Variants in KCNH6 observed in about 807,000 individuals in gnomAD.
KCNH6 encodes the protein voltage-gated inwardly rectifying potassium channel KCNH6.
Under a neutral mutation model 83.4 loss-of-function variants are expected in KCNH6, and 81 were observed. The observed-to-expected ratio is 0.97, with a 90% CI of 0.81 to 1.17. KCNH6 has a LOEUF of 1.17. Ranked by LOEUF, KCNH6 falls within the 50% of genes most tolerant of loss-of-function variation. The probability of loss-of-function intolerance (pLI) is 0.00; values close to 1 mark genes in which losing one functional copy is unlikely to be tolerated. For missense variants in KCNH6, 1,203 were observed against 1,290.5 expected (o/e 0.93, Z 1.04); for synonymous variants, 503 against 545.6 (o/e 0.92, Z 1.09).
At position 63,534,744 on chromosome 17, in the gene KCNH6, A is replaced by G. The variant is rs980931795; in HGVS notation, c.1101+433A>G. On this transcript the variant is annotated intron_variant, in intron 5 of 12. Coordinates refer to ENST00000314672, the MANE Select transcript of KCNH6 (RefSeq NM_001278919.2). This position sits in a 1 kb window ranked among gnomAD's most constrained non-coding sequence, Gnocchi z 5.0. The stretch of plus-strand genomic sequence containing the variant: ...GCCCATAGGTGACGTGAAGGCATCT[A>G]CATGCCTTTCTCATAGCTTCCAGTC... Among the ~76,000 whole-genome samples, 3 of 152,016 alleles carry G rather than the reference A, an allele frequency of 2.0e-5. No homozygotes were observed. Among genetic ancestry groups the G allele is most frequent in the African/African-American group, 7.3e-5 (3 of 41,372 alleles).
At position 63,542,330 on chromosome 17, in the gene KCNH6, C is replaced by T; in HGVS notation, c.2044C>T (p.Leu682=). 6.2e-7 allele frequency: 1 copy of T among 1,614,178 alleles called. No individual in the cohort carries two copies. ...CGTGCGGGCTCTGACCTACTGCGACCTGCACAAGATCCAGCGGGCAGATCT... is the reference window on the plus strand; with the variant it reads ...CGTGCGGGCTCTGACCTACTGCGACTTGCACAAGATCCAGCGGGCAGATCT... ...ADVRALTYCD[L]HKIQRADLLE... The change falls in exon 9 of 13, where the codon CTG becomes TTG. Residue 682 remains leucine (L), a synonymous_variant. Coordinates refer to ENST00000314672, the MANE Select transcript of KCNH6 (RefSeq NM_001278919.2).
At position 63,523,428 on chromosome 17, in the gene KCNH6, G is replaced by A. The variant is rs1676490925; in HGVS notation, c.15G>A (p.Arg5=). The change falls in exon 1 of 13, where the codon AGG becomes AGA. Residue 5 remains arginine (R), a synonymous_variant. Transcript: ENST00000314672. The surrounding 1 kb of genome is among the most constrained non-coding windows in gnomAD (Gnocchi z 4.2). ...GCGGCCGAAAGATGCCGGTCCGCAGGGGCCACGTCGCTCCCCAAAACACTT... is the reference window on the plus strand; with the variant it reads ...GCGGCCGAAAGATGCCGGTCCGCAGAGGCCACGTCGCTCCCCAAAACACTT... MPVR[R]GHVAPQNTYL... is the part of the protein sequence containing the mutation. 4 of 1,598,212 alleles carry A rather than the reference G, an allele frequency of 2.5e-6. No homozygotes were observed. Among genetic ancestry groups the A allele is most frequent in the Non-Finnish European group, 3.4e-6 (4 of 1,172,880 alleles).
intron 4 of KCNH6, among the ~76,000 whole-genome samples, chr17:63,531,079 A>G (rs1270758240): frequency 6.6e-6 from 1 of 152,202 alleles, no homozygotes; most frequent in Non-Finnish European, 1.5e-5. Context: ...GCTATCTTTA[A>G]TCAGCTTCCT....
chr17:63,547,220 A>T (rs1189843009), downstream of KCNH6, among the ~76,000 whole-genome samples: 1 of 151,926 alleles, frequency 6.6e-6, no homozygotes, highest in Admixed American at 6.6e-5. Flanking sequence ...ATTATACCTC[A>T]GTTAAAAAGA....
At chr17:63,529,766 C>T (rs1372987624) in intron 2 of KCNH6, among the ~76,000 whole-genome samples, 1 of 152,116 alleles carries the variant, frequency 6.6e-6, no homozygotes, top group Non-Finnish European at 1.5e-5. Flanking sequence ...CTTAATCCAC[C>T]CCCATCTGCT....
At position 63,546,063 on chromosome 17, in the gene KCNH6, C is replaced by T. The variant is rs1324964667; in HGVS notation, c.*161C>T. The T allele has an allele frequency of 1.6e-5, 10 of 610,240 alleles. No homozygotes were observed. The highest frequency in any genetic ancestry group is 2.8e-5 in the Non-Finnish European group (10 of 356,486). 37.8% of individuals were successfully genotyped at this position (610,240 alleles called of 1,614,324 possible). A position where few individuals can be genotyped will look rare whatever the true frequency, so the allele number is the denominator to read the frequency against. ...TCCTGGCTAACACGGTGAAACCCCA[C>T]CTCTACTAAAATTAAAAAAGAAAAA... On this transcript the variant is annotated 3_prime_UTR_variant, in exon 13 of 13. Transcript: ENST00000314672.
At chr17:63,542,973 CAA>C (rs2032947818) in intron 9 of KCNH6, among the ~76,000 whole-genome samples, 1 of 152,184 alleles carries the variant, frequency 6.6e-6, no homozygotes, top group South Asian at 2.1e-4. Context: ...GTAAAACAGC[CAA>C]AGTCACGAAG....
Position 63,545,250 on chromosome 17 carries a change from C to A in KCNH6, c.2569C>A (p.Leu857Met). 2 of 1,613,472 alleles carry A rather than the reference C, an allele frequency of 1.2e-6. No individual in the cohort carries two copies. Among genetic ancestry groups the A allele is most frequent in the Non-Finnish European group, 1.7e-6 (2 of 1,180,020 alleles). Residue 857 changes from leucine (L) to methionine (M), a missense_variant, in exon 12 of 13, where the codon CTG (leucine) becomes ATG (methionine). By Grantham distance (15) the Leu-to-Met change is conservative. Coordinates refer to ENST00000314672, the MANE Select transcript of KCNH6 (RefSeq NM_001278919.2). ...AGGGCCCAGGCTGCCCCAGGGCTTT[C>A]TGCCTCCTGCACAGGTAAGAGGTGA... is the stretch of plus-strand genomic sequence containing the variant. ...SPGPRLPQGF[L>M]PPAQTPSYGD...
At position 63,544,965 on chromosome 17, in the gene KCNH6, C is replaced by T. The variant is rs1406842479; in HGVS notation, c.2397-113C>T. On this transcript the variant is annotated intron_variant, in intron 11 of 12. Transcript: ENST00000314672. ...AGTAAGGAAATAGCTTCAGGTAGGC[C>T]CCAGGCCGCCATTCCATCTAGCAGG... The T allele has an allele frequency of 4.6e-5, 48 of 1,052,186 alleles. No homozygotes were observed. In the South Asian group the frequency reaches 6.3e-4, roughly 14 times the overall value. 65.2% of individuals were successfully genotyped at this position (1,052,186 alleles called of 1,614,324 possible).
chr17:63,523,781 C>G lies in KCNH6; in HGVS notation c.76+292C>G, dbSNP rs541748900. On this transcript the variant is annotated intron_variant, in intron 1 of 12. Coordinates refer to ENST00000314672, the MANE Select transcript of KCNH6 (RefSeq NM_001278919.2). The surrounding 1 kb of genome is among the most constrained non-coding windows in gnomAD (Gnocchi z 4.2). ...ACCTCCCCTTCCAGCCACTGCCTGC[C>G]CCCTCATCCGCGTCCTCCAGAGGCT... Among the ~76,000 whole-genome samples the G allele has an allele frequency of 6.6e-6, 1 of 152,174 alleles. No individual in the cohort carries two copies. The highest frequency in any genetic ancestry group is 6.5e-5 in the Admixed American group (1 of 15,286).
Position 63,543,593 on chromosome 17 carries a change from C to G in KCNH6, c.2166C>G (p.His722Gln), listed in dbSNP as rs2147731926. 1 of 1,611,822 alleles carries G rather than the reference C, an allele frequency of 6.2e-7. No homozygotes were observed. The highest frequency in any genetic ancestry group is 2.2e-5 in the East Asian group (1 of 44,890). ...FNLRDAAGGLHSSPRQAPGSQ... is the reference protein window; with the variant it reads ...FNLRDAAGGLQSSPRQAPGSQ... ...CCCATAAGGCAGCCGGGGGTCTCCA[C>G]TCATCCCCCCGACAGGCTCCTGGCA... The change falls in exon 10 of 13, where the codon CAC (histidine) becomes CAG (glutamine). Residue 722 changes from histidine to glutamine, a missense_variant. By Grantham distance (24) the His-to-Gln change is conservative. Transcript: ENST00000314672.
At position 63,530,552 on chromosome 17, in the gene KCNH6, T is replaced by G. The variant is rs2032037401; in HGVS notation, c.675+10T>G. On this transcript the variant is annotated intron_variant, in intron 4 of 12. Transcript: ENST00000314672. ...TGAGAAGGTCACCCAGGTGCGGGCC[T>G]GCAGAGCAGGGTGTGCAGAGCTGTG... 1 of 1,613,340 alleles carries G rather than the reference T, an allele frequency of 6.2e-7. No homozygotes were observed. Among genetic ancestry groups the G allele is most frequent in the African/African-American group, 1.3e-5 (1 of 74,922 alleles).
intron 10 of KCNH6, 105 bp downstream of exon 10, chr17:63,543,765 T>TG: frequency 1.3e-6 from 1 of 744,288 alleles, no homozygotes; most frequent in Non-Finnish European, 2.4e-6. Flanking sequence ...CCCCACTCCA[T>TG]GAGTGGAGAG....
chr17:63,536,826 C>T (rs2032528124), intron 6 of KCNH6, among the ~76,000 whole-genome samples: 1 of 146,818 alleles, frequency 6.8e-6, no homozygotes, highest in Non-Finnish European at 1.5e-5. Flanking sequence ...TGGTGGTACA[C>T]ACCTGTAATC....
chr17:63,542,355 T>A lies in KCNH6; in HGVS notation c.2069T>A (p.Leu690Gln), dbSNP rs1388742429. The A allele has an allele frequency of 6.2e-7, 1 of 1,614,066 alleles. No homozygotes were observed. Among genetic ancestry groups the A allele is most frequent in the Admixed American group, 1.7e-5 (1 of 60,006 alleles). Residue 690 changes from leucine to glutamine, a missense_variant, in exon 9 of 13, where the codon CTG becomes CAG. By Grantham distance (113) the Leu-to-Gln change is moderately radical. Coordinates refer to ENST00000314672, the MANE Select transcript of KCNH6 (RefSeq NM_001278919.2). Reference protein sequence around the residue: ...CDLHKIQRADLLEVLDMYPAF... With the variant: ...CDLHKIQRADQLEVLDMYPAF... ...CTGCACAAGATCCAGCGGGCAGATC[T>A]GCTGGAGGTGCTGGACATGTACCCG... is the stretch of plus-strand genomic sequence containing the variant.
chr17:63,542,134 C>G (rs1428182699), intron 8 of KCNH6, 107 bp from the exon 9 acceptor site: 1 of 1,189,998 alleles, frequency 8.4e-7, no homozygotes, highest in African/African-American at 1.5e-5. Flanking sequence ...GGCAGCAGGC[C>G]CCGGCCTAGA....
At chr17:63,524,904 TG>T (rs1469072463) in intron 2 of KCNH6, among the ~76,000 whole-genome samples, 1 of 152,110 alleles carries the variant, frequency 6.6e-6, no homozygotes, top group Non-Finnish European at 1.5e-5. Context: ...TACTGCCAGC[TG>T]GAGCATACTG....
intron 9 of KCNH6, among the ~76,000 whole-genome samples, chr17:63,543,058 C>T (rs1206594439): frequency 6.6e-6 from 1 of 152,256 alleles, no homozygotes; most frequent in African/African-American, 2.4e-5. Flanking sequence ...TGGGAATGCC[C>T]AGAGCGGGGT....
In KCNH6 at chr17:63,533,775, C is replaced by T. The variant is rs2032275756; in HGVS notation, c.676-111C>T. The T allele has an allele frequency of 1.0e-6, 1 of 971,396 alleles. No individual in the cohort carries two copies. The highest frequency in any genetic ancestry group is 1.5e-6 in the Non-Finnish European group (1 of 648,916). The allele number at this position is 971,396 out of a possible 1,614,324, so 60.2% of individuals were successfully genotyped here. On this transcript the variant is annotated intron_variant, in intron 4 of 12. Coordinates refer to ENST00000314672, the MANE Select transcript of KCNH6 (RefSeq NM_001278919.2). The surrounding 1 kb of genome is among the most constrained non-coding windows in gnomAD (Gnocchi z 4.1). ...CCCTCATCCCCTCTGCCCACCAGAG[C>T]CGTGGTCACCCACCCTCTCCCACTA...
Sources: allele counts gnomAD v4.1 joint callset (sites outside exome capture counted in the v4.1 genomes callset), GRCh38; gene constraint gnomAD v4.1.1; non-coding constraint Gnocchi (gnomAD v3.1); transcripts MANE v1.5; gene names NCBI Gene and HGNC (gene_info 2026-07-23, HGNC 2026-07-21).